Variants in SBNO1 observed in about 807,000 individuals in gnomAD.
SBNO1 encodes the protein strawberry notch homolog 1.
A neutral mutation model predicts 173.6 loss-of-function variants in SBNO1; 23 were observed. The ratio of observed to expected loss-of-function variants is 0.13; its 90% CI spans 0.10 to 0.19. The LOEUF (loss-of-function observed/expected upper bound fraction) is 0.19, where lower values mean the gene tolerates loss of function less well. SBNO1 is among the 10% of genes least tolerant of loss of function. SBNO1 has a pLI of 1.00. For missense variants in SBNO1, 1,238 were observed against 1,671.2 expected, an observed-to-expected ratio of 0.74 and a Z score of 4.52; for synonymous variants, 632 against 571.5, an observed-to-expected ratio of 1.11 and a Z score of -1.51.
chr12:123,325,700 A>T, intron 14 of SBNO1, 101 bp from the exon 15 acceptor site: 2 of 795,048 alleles, frequency 2.5e-6, no homozygotes, highest in Non-Finnish European at 2.1e-6. Context: ...TTCAAACAAG[A>T]ATGTCCTCAT....
chr12:123,317,165 T>A, intron 21 of SBNO1, 56 bp downstream of exon 21: 9 of 1,596,034 alleles, frequency 5.6e-6, no homozygotes, highest in Non-Finnish European at 7.7e-6. Flanking sequence ...ATGCGCAAAT[T>A]TACCCCAATG....
chr12:123,364,456 G>A, intron 1 of SBNO1: 1 of 985,522 alleles, frequency 1.0e-6, no homozygotes, highest in South Asian at 4.7e-5. Flanking sequence ...CCCACGAGCG[G>A]CGACAGCGGG....
In SBNO1 at chr12:123,320,811, T is replaced by C; in HGVS notation, c.2379A>G (p.Lys793=). The change falls in exon 18 of 32, where the codon AAA becomes AAG. Residue 793 remains lysine (K), a synonymous_variant. Transcript: ENST00000602398. ...HKKNKEKKKK[K]SIDPDSIQSA... is the part of the protein sequence containing the mutation. ...TTTGAATAGAATCTGGATCTATACTTTTCTTCTTTTTTTTCTCTTTGTTTT... is the reference window on the plus strand; with the variant it reads ...TTTGAATAGAATCTGGATCTATACTCTTCTTCTTTTTTTTCTCTTTGTTTT... 1 of 1,599,036 alleles carries C rather than the reference T, an allele frequency of 6.3e-7. No homozygotes were observed. The highest frequency in any genetic ancestry group is 8.5e-7 in the Non-Finnish European group (1 of 1,174,442).
At position 123,311,099 on chromosome 12, in the gene SBNO1, A is replaced by T. The variant is rs1259492231; in HGVS notation, c.3251T>A (p.Leu1084Gln). Reference sequence around the variant, plus strand: ...TCCCGAGCGATCTTCTACATTTATCAGGCCAACGCCTATCAGTCCTTGTCG... The same window carrying T: ...TCCCGAGCGATCTTCTACATTTATCTGGCCAACGCCTATCAGTCCTTGTCG... ...DVRQGLIGVG[L>Q]INVEDRSGIL... Residue 1084 changes from leucine to glutamine, a missense_variant, in exon 25 of 32, where the codon CTG (leucine) becomes CAG (glutamine). By Grantham distance (113) the Leu-to-Gln change is moderately radical. Transcript: ENST00000602398. 1 of 1,613,692 alleles carries T rather than the reference A, an allele frequency of 6.2e-7. No homozygotes were observed. Among genetic ancestry groups the T allele is most frequent in the Non-Finnish European group, 8.5e-7 (1 of 1,179,612 alleles).
intron 1 of SBNO1, chr12:123,364,119 A>T: frequency 1.0e-6 from 1 of 985,488 alleles, no homozygotes; most frequent in Non-Finnish European, 1.2e-6. Flanking sequence ...GCGTGAAGGG[A>T]GCCTGCACGT....
chr12:123,299,020 T>C (rs2138870987), intron 30 of SBNO1, among the ~76,000 whole-genome samples: 1 of 152,004 alleles, frequency 6.6e-6, no homozygotes, highest in East Asian at 1.9e-4. Context: ...ACCAGGAGTT[T>C]GAGATCAGCC....
intron 30 of SBNO1, among the ~76,000 whole-genome samples, chr12:123,301,691 T>G (rs1161777935): frequency 1.3e-5 from 2 of 152,156 alleles, no homozygotes; most frequent in African/African-American, 4.8e-5. Flanking sequence ...CTATTAACTT[T>G]GGGAATCTCC....
At position 123,361,745 on chromosome 12, in the gene SBNO1, A is replaced by AAAG. The variant is rs58053174; in HGVS notation, c.-1+2955_-1+2956insCTT. On this transcript the variant is annotated intron_variant, in intron 1 of 31. Transcript: ENST00000602398. Reference sequence around the variant, plus strand: ...AAGACAGTCTAAAAAAAAAAAAAAAATACAAAATTGCCTGACATATAACCG... The same window carrying AAAG: ...AAGACAGTCTAAAAAAAAAAAAAAAAAAGTACAAAATTGCCTGACATATAACCG... Among the ~76,000 whole-genome samples, 25 of 151,116 alleles carry AAAG rather than the reference A, an allele frequency of 1.7e-4. 1 individual carries two copies. The highest frequency in any genetic ancestry group is 5.3e-4 in the African/African-American group (22 of 41,180).
intron 20 of SBNO1, among the ~76,000 whole-genome samples, chr12:123,318,737 CAAA>C (rs56158087): frequency 2.6e-4 from 30 of 116,508 alleles, no homozygotes; most frequent in Middle Eastern, 4.2e-3. Context: ...GACTCTGTCT[CAAA>C]AAAAAAAAAA....
intron 1 of SBNO1, among the ~76,000 whole-genome samples, chr12:123,353,382 C>T (rs1874098916): frequency 6.6e-6 from 1 of 152,116 alleles, no homozygotes. Flanking sequence ...CCAAAATCCA[C>T]GAAGTTTTCT....
At chr12:123,335,104 T>C (rs1360120650) in intron 6 of SBNO1, among the ~76,000 whole-genome samples, 1 of 152,188 alleles carries the variant, frequency 6.6e-6, no homozygotes. Flanking sequence ...GACAGGAGGA[T>C]TGCTTGAGCC....
At chr12:123,358,350 G>A (rs10773014) in intron 1 of SBNO1, among the ~76,000 whole-genome samples, 9,528 of 152,280 alleles carry the variant, frequency 0.063, 329 homozygotes, top group South Asian at 0.11. Flanking sequence ...GATTAGGGAT[G>A]CTCAACCCAT....
intron 20 of SBNO1, 44 bp downstream of exon 20, chr12:123,319,856 C>T (rs372930806): frequency 1.3e-6 from 2 of 1,565,652 alleles, no homozygotes; most frequent in Non-Finnish European, 1.8e-6. Context: ...TCTAAATATA[C>T]AGGCATTGTT....
Position 123,364,847 on chromosome 12 carries a change from T to C in SBNO1, c.-147A>G, listed in dbSNP as rs1028034713. ...CTCCCCGCCGCCATCTTGACGCCCC[T>C]CCCCCAGCCCCCCCGCCCCGCCGGG... On this transcript the variant is annotated 5_prime_UTR_variant, in exon 1 of 32. Coordinates refer to ENST00000602398, the MANE Select transcript of SBNO1 (RefSeq NM_001167856.3). The C allele has an allele frequency of 4.4e-6, 4 of 901,828 alleles. No homozygotes were observed. Among genetic ancestry groups the C allele is most frequent in the Non-Finnish European group, 5.3e-6 (4 of 756,548 alleles). The allele number at this position is 901,828 out of a possible 1,614,324, so 55.9% of individuals were successfully genotyped here. A position where few individuals can be genotyped will look rare whatever the true frequency, so the allele number is the denominator to read the frequency against.
intron 6 of SBNO1, 137 bp downstream of exon 6, chr12:123,336,258 C>T: frequency 1.6e-6 from 1 of 613,502 alleles, no homozygotes; most frequent in Non-Finnish European, 2.8e-6. Flanking sequence ...AAAATCCAAG[C>T]TTCTTTAGTT....
In SBNO1 at chr12:123,320,465, G is replaced by A. The variant is rs567091125; in HGVS notation, c.2634C>T (p.Ile878=). 41 of 1,613,624 alleles carry A rather than the reference G, an allele frequency of 2.5e-5. No homozygotes were observed. The highest frequency in any genetic ancestry group is 5.0e-5 in the Admixed American group (3 of 59,906). The change falls in exon 19 of 32, where the codon ATC becomes ATT. Residue 878 remains isoleucine (I), a synonymous_variant. Transcript: ENST00000602398. ...DLPPNTLDEL[I]DELGGPENVA... ...CGTTCTCAGGGCCACCAAGTTCATC[G>A]ATAAGTTCATCCAGGGTATTAGGGG...
intron 31 of SBNO1, among the ~76,000 whole-genome samples, chr12:123,296,691 G>C (rs1593314237): frequency 6.6e-6 from 1 of 151,844 alleles, no homozygotes; most frequent in East Asian, 1.9e-4. Context: ...CTCCCAAGTA[G>C]CTGAGACTAC....
At chr12:123,300,150 C>T (rs892363757) in intron 30 of SBNO1, among the ~76,000 whole-genome samples, 2 of 152,146 alleles carry the variant, frequency 1.3e-5, no homozygotes, top group Non-Finnish European at 2.9e-5. Flanking sequence ...TAACTCAAGA[C>T]GAATCTAATA....
intron 1 of SBNO1, among the ~76,000 whole-genome samples, chr12:123,362,682 T>C (rs1406812054): frequency 6.8e-6 from 1 of 146,360 alleles, no homozygotes; most frequent in Non-Finnish European, 1.5e-5. Context: ...GGCAGGAGAA[T>C]TGTTTGAACC....
Sources: gnomAD v4.1 joint callset for allele counts (sites outside exome capture counted in the v4.1 genomes callset) on GRCh38, gnomAD v4.1.1 for gene constraint, MANE v1.5 for transcripts, NCBI Gene and HGNC (gene_info 2026-07-23, HGNC 2026-07-21) for gene names.